PCDHA4: variants seen among roughly 807,000 people sequenced by gnomAD.
PCDHA4 encodes protocadherin alpha-4.
A neutral mutation model predicts 61.4 loss-of-function variants in PCDHA4; 49 were observed. That is an observed-to-expected ratio of 0.80 (90% CI 0.63 to 1.01). The LOEUF is 1.01. Among genes scored for constraint, PCDHA4 ranks in the 50% least tolerant of loss-of-function variants. The pLI, the probability that PCDHA4 is intolerant of heterozygous loss-of-function variation, is 0.00. For missense variants in PCDHA4, 1,254 were observed against 1,235.8 expected, an observed-to-expected ratio of 1.01 and a Z score of -0.22; for synonymous variants, 590 against 550.3, an observed-to-expected ratio of 1.07 and a Z score of -1.01.
chr5:140,929,522 T>G, intron 1 of PCDHA4: 1 of 727,900 alleles, frequency 1.4e-6, no homozygotes. Context: ...GACTTATAGT[T>G]TATTTTTGAG....
rs2150360711 is a variant in PCDHA4, at chr5:140,843,464, C to A, written c.2385+33892C>A. ...GGTATCCAGCCTGCTGGTGCTCACG[C>A]TGCTGCTGTACACTGCGCTGCGGTG... On this transcript the variant is annotated intron_variant, in intron 1 of 3. Transcript: ENST00000530339. The A allele has an allele frequency of 1.4e-5, 22 of 1,595,942 alleles. 2 individuals are homozygous for A. In the African/African-American group the frequency reaches 3.0e-4, roughly 21 times the overall value.
intron 1 of PCDHA4, chr5:140,864,601 A>C (rs2048532983): frequency 6.6e-6 from 1 of 152,200 alleles, no homozygotes; most frequent in Non-Finnish European, 1.5e-5. Context: ...TCAGATAGCC[A>C]ACAACTTTGT....
At position 140,855,852 on chromosome 5, in the gene PCDHA4, G is replaced by A. The variant is rs1233260488; in HGVS notation, c.2385+46280G>A. 21 of 674,672 alleles carry A rather than the reference G, an allele frequency of 3.1e-5. 2 individuals carry two copies. The highest frequency in any genetic ancestry group is 4.6e-5 in the Non-Finnish European group (19 of 409,080). 41.8% of individuals were successfully genotyped at this position (674,672 alleles called of 1,614,324 possible). On this transcript the variant is annotated intron_variant, in intron 1 of 3. Coordinates refer to ENST00000530339, the MANE Select transcript of PCDHA4 (RefSeq NM_018907.4). The stretch of plus-strand genomic sequence containing the variant: ...ATCGTACTTACACCTAAAGCCACCG[G>A]ATGTCGCTGTCGTCCACAAAATAGC...
intron 3 of PCDHA4, among the ~76,000 whole-genome samples, chr5:140,988,180 G>C (rs2097285964): frequency 1.3e-5 from 2 of 152,134 alleles, no homozygotes; most frequent in Admixed American, 1.3e-4. Context: ...TGACAGTCCT[G>C]GGAGGTGTGT....
chr5:140,957,104 C>T (rs2095333785), intron 1 of PCDHA4, among the ~76,000 whole-genome samples: 1 of 152,104 alleles, frequency 6.6e-6, no homozygotes, highest in Non-Finnish European at 1.5e-5. Context: ...TTGCTATGGA[C>T]ATGATTCTGT....
intron 1 of PCDHA4, chr5:140,822,892 G>A (rs2150120154): frequency 1.2e-6 from 2 of 1,614,212 alleles, no homozygotes; most frequent in East Asian, 4.5e-5. Flanking sequence ...TCTGATCAGC[G>A]TGTCTGACCG....
intron 1 of PCDHA4, among the ~76,000 whole-genome samples, chr5:140,958,399 T>C (rs1554223458): frequency 6.6e-6 from 1 of 152,178 alleles, no homozygotes; most frequent in African/African-American, 2.4e-5. Flanking sequence ...CATCAAACAT[T>C]ATCACTGATG....
intron 1 of PCDHA4, among the ~76,000 whole-genome samples, chr5:140,838,622 A>G (rs1163136173): frequency 6.6e-6 from 1 of 152,030 alleles, no homozygotes; most frequent in Non-Finnish European, 1.5e-5. Flanking sequence ...AATTTTTTAC[A>G]AATAATTTGG....
Position 140,828,948 on chromosome 5 carries a change from C to T in PCDHA4, c.2385+19376C>T, listed in dbSNP as rs2150161275. The T allele has an allele frequency of 2.9e-4, 471 of 1,614,172 alleles. 5 individuals carry two copies. The South Asian group carries it at 4.8e-3, about 17-fold the overall frequency. Reference sequence around the variant, plus strand: ...TCATATTCTTTTAATAGCCTTGTTGCAGCCATGGTTATTGACCACTTTAGC... The same window carrying T: ...TCATATTCTTTTAATAGCCTTGTTGTAGCCATGGTTATTGACCACTTTAGC... On this transcript the variant is annotated intron_variant, in intron 1 of 3. Coordinates refer to ENST00000530339, the MANE Select transcript of PCDHA4 (RefSeq NM_018907.4).
At chr5:140,858,318 G>A (rs1441459097) in intron 1 of PCDHA4, 1 of 1,596,952 alleles carries the variant, frequency 6.3e-7, no homozygotes, top group African/African-American at 1.3e-5. Flanking sequence ...CAGAGGGTGT[G>A]TTCTGGGGAG....
At position 140,807,157 on chromosome 5, in the gene PCDHA4, T is replaced by C; in HGVS notation, c.-31T>C. 1.3e-6 allele frequency: 2 copies of C among 1,590,406 alleles called. No individual in the cohort carries two copies. The highest frequency in any genetic ancestry group is 1.7e-6 in the Non-Finnish European group (2 of 1,168,474). On this transcript the variant is annotated 5_prime_UTR_variant, in exon 1 of 4. Transcript: ENST00000530339. ...TTTCCCTTGACTTTGAGAAACGATATTTAATCAGAACAAAATACTGTGCAC... is the reference window on the plus strand; with the variant it reads ...TTTCCCTTGACTTTGAGAAACGATACTTAATCAGAACAAAATACTGTGCAC...
chr5:140,893,297 A>G (rs553139850), intron 1 of PCDHA4, among the ~76,000 whole-genome samples: 4 of 152,154 alleles, frequency 2.6e-5, no homozygotes, highest in South Asian at 2.1e-4. Context: ...TGGTAGTTCT[A>G]TTTGTAGTTT....
At chr5:140,861,457 A>T (rs2046932948) in intron 1 of PCDHA4, 1 of 493,524 alleles carries the variant, frequency 2.0e-6, no homozygotes, top group African/African-American at 2.0e-5. Flanking sequence ...AACCTTCTGG[A>T]GGTAAATCTG....
At chr5:140,933,446 C>T (rs543444309) in intron 1 of PCDHA4, among the ~76,000 whole-genome samples, 1 of 151,990 alleles carries the variant, frequency 6.6e-6, no homozygotes, top group Non-Finnish European at 1.5e-5. Flanking sequence ...AATGACATAC[C>T]TTCAAAATAT....
intron 1 of PCDHA4, chr5:140,851,502 T>C (rs1581260413): frequency 6.6e-6 from 6 of 903,186 alleles, no homozygotes; most frequent in Middle Eastern, 1.2e-3. Context: ...TTTCAACTTA[T>C]ATAAAATATG....
intron 1 of PCDHA4, among the ~76,000 whole-genome samples, chr5:140,947,396 A>G (rs113635864): frequency 6.6e-6 from 1 of 151,710 alleles, no homozygotes; most frequent in Non-Finnish European, 1.5e-5. Flanking sequence ...CACTAAAAGT[A>G]GACTGTCTTG....
intron 1 of PCDHA4, chr5:140,863,165 C>G (rs1367294208): frequency 1.5e-6 from 1 of 666,560 alleles, no homozygotes; most frequent in Non-Finnish European, 2.7e-6. Context: ...TGCGAGCTGG[C>G]GCTGACTGCC....
Position 141,010,040 on chromosome 5 carries a change from C to G in PCDHA4, c.*103C>G. On this transcript the variant is annotated 3_prime_UTR_variant, in exon 4 of 4. Transcript: ENST00000530339. Reference sequence around the variant, plus strand: ...CCTTTTTCCTATCTACATGAGCCCTCTTAGAGACCTCAGAAATCTGCAGAA... The same window carrying G: ...CCTTTTTCCTATCTACATGAGCCCTGTTAGAGACCTCAGAAATCTGCAGAA... 5.6e-6 allele frequency: 9 copies of G among 1,593,642 alleles called. No individual in the cohort carries two copies. The highest frequency in any genetic ancestry group is 7.7e-6 in the Non-Finnish European group (9 of 1,170,750).
chr5:140,863,538 T>C (rs187152479), intron 1 of PCDHA4: 1 of 386,422 alleles, frequency 2.6e-6, no homozygotes, highest in Non-Finnish European at 5.0e-6. Flanking sequence ...ATTTTGGAGA[T>C]GGACTTCAAT....
Sources: allele counts gnomAD v4.1 joint callset (sites outside exome capture counted in the v4.1 genomes callset), GRCh38; gene constraint gnomAD v4.1.1; transcripts MANE v1.5; gene names NCBI Gene and HGNC (gene_info 2026-07-23, HGNC 2026-07-21).